The following HDAC8 variants were observed in gnomAD, a reference collection of about 807,000 sequenced individuals.
The protein encoded by HDAC8 is histone deacetylase 8.
A neutral mutation model predicts 32.2 loss-of-function variants in HDAC8; 1 was observed. The ratio of observed to expected loss-of-function variants is 0.03; its 90% CI spans 0.01 to 0.15. The LOEUF (loss-of-function observed/expected upper bound fraction) is 0.15, where lower values mean the gene tolerates loss of function less well. Ranked by LOEUF, HDAC8 falls within the 10% of genes least tolerant of loss-of-function variation. The probability of loss-of-function intolerance (pLI) is 1.00; values close to 1 mark genes in which losing one functional copy is unlikely to be tolerated. For missense variants in HDAC8, 117 were observed against 300.0 expected, an observed-to-expected ratio of 0.39 and a Z score of 4.51; for synonymous variants, 108 against 113.9, an observed-to-expected ratio of 0.95 and a Z score of 0.33.
intron 7 of HDAC8, chrX:72,474,323 C>T: frequency 1.3e-6 from 1 of 749,873 alleles, no homozygotes; most frequent in Non-Finnish European, 1.6e-6. Flanking sequence ...TAAAAATTTC[C>T]ACTAACTTCC....
intron 7 of HDAC8, among the ~76,000 whole-genome samples, chrX:72,484,162 TTC>T: frequency 8.9e-6 from 1 of 112,529 alleles, no homozygotes; most frequent in South Asian, 3.7e-4. Flanking sequence ...AAGAAAAGGT[TTC>T]TTTCAATTTT....
chrX:72,361,506 TC>T (rs2044548197), intron 9 of HDAC8, among the ~76,000 whole-genome samples: 1 of 111,205 alleles, frequency 9.0e-6, no homozygotes, highest in African/African-American at 3.3e-5. Context: ...AAGAATATGC[TC>T]AATATTAACA....
intron 7 of HDAC8, among the ~76,000 whole-genome samples, chrX:72,481,543 C>T (rs2048505060): frequency 9.0e-6 from 1 of 110,737 alleles, no homozygotes; most frequent in Admixed American, 9.6e-5. Context: ...TGCCACATCA[C>T]CAGGCCTAAA....
chrX:72,454,080 G>A (rs576649495), intron 9 of HDAC8, among the ~76,000 whole-genome samples: 1 of 83,731 alleles, frequency 1.2e-5, no homozygotes, highest in African/African-American at 4.5e-5. Context: ...GTGCCAGATG[G>A]AAACCTGGAT....
At position 72,482,250 on chromosome X, in the gene HDAC8, C is replaced by A. The variant is rs143789795; in HGVS notation, c.737+6683G>T. ...GTTAAAAATTTTTAGCTATACTCAT[C>A]TAAAACAACCACATGAAAAAGATGT... On this transcript the variant is annotated intron_variant, in intron 7 of 10. Coordinates refer to ENST00000373573, the MANE Select transcript of HDAC8 (RefSeq NM_018486.3). Among the ~76,000 whole-genome samples, 197 of 111,562 alleles carry A rather than the reference C, an allele frequency of 1.8e-3. 1 individual carries two copies. Among genetic ancestry groups the A allele is most frequent in the Middle Eastern group, 0.014 (3 of 214 alleles).
At chrX:72,384,182 C>G (rs1555960728) in intron 9 of HDAC8, among the ~76,000 whole-genome samples, 3 of 111,704 alleles carry the variant, frequency 2.7e-5, no homozygotes, top group African/African-American at 9.8e-5. Flanking sequence ...ACACAGCAGC[C>G]TAAGTAAATT....
At chrX:72,385,003 A>G (rs1488994536) in intron 9 of HDAC8, among the ~76,000 whole-genome samples, 2 of 111,838 alleles carry the variant, frequency 1.8e-5, no homozygotes, top group South Asian at 3.7e-4. Context: ...TTACAAAGCT[A>G]TTTCTTAGGA....
chrX:72,503,974 C>T (rs1238812938), intron 4 of HDAC8, among the ~76,000 whole-genome samples: 1 of 111,925 alleles, frequency 8.9e-6, no homozygotes, highest in African/African-American at 3.2e-5. Context: ...ACAGTTCTCC[C>T]ACATTTATAG....
At chrX:72,357,404 G>A (rs1555951117) in intron 9 of HDAC8, among the ~76,000 whole-genome samples, 1 of 110,214 alleles carries the variant, frequency 9.1e-6, no homozygotes, top group Non-Finnish European at 1.9e-5. Context: ...CATGGTTGCT[G>A]GGGGTGGGGG....
intron 4 of HDAC8, among the ~76,000 whole-genome samples, chrX:72,527,772 C>CT (rs1157041190): frequency 5.5e-3 from 494 of 89,468 alleles, no homozygotes; most frequent in Middle Eastern, 0.011. Context: ...TTTCTGACCT[C>CT]TTTTTTTTTT....
intron 9 of HDAC8, among the ~76,000 whole-genome samples, chrX:72,410,712 T>C (rs1555969956): frequency 8.9e-6 from 1 of 111,901 alleles, no homozygotes; most frequent in East Asian, 2.8e-4. Context: ...GCCACATCTG[T>C]TCCTATCTGG....
intron 9 of HDAC8, among the ~76,000 whole-genome samples, chrX:72,438,783 C>A (rs1167949866): frequency 9.0e-6 from 1 of 111,212 alleles, no homozygotes; most frequent in Admixed American, 9.6e-5. Context: ...GAAAAGGAAT[C>A]AACAAAGCCT....
At chrX:72,384,417 T>G (rs2147831674) in intron 9 of HDAC8, among the ~76,000 whole-genome samples, 1 of 111,842 alleles carries the variant, frequency 8.9e-6, no homozygotes, top group African/African-American at 3.2e-5. Context: ...GCATCCACTC[T>G]ACTCAGGCTG....
At chrX:72,429,188 C>T (rs2046743312) in intron 9 of HDAC8, among the ~76,000 whole-genome samples, 2 of 110,718 alleles carry the variant, frequency 1.8e-5, no homozygotes, top group South Asian at 7.9e-4. Context: ...TACTCTTTCT[C>T]CCTTGGAGTA....
At chrX:72,468,079 A>T (rs1312379869) in intron 7 of HDAC8, 4 of 1,108,747 alleles carry the variant, frequency 3.6e-6, no homozygotes, top group Non-Finnish European at 4.8e-6. Context: ...CATAGTGCAA[A>T]CTTCAAAGCA....
intron 9 of HDAC8, among the ~76,000 whole-genome samples, chrX:72,414,674 T>C (rs2046287668): frequency 8.9e-6 from 1 of 111,921 alleles, no homozygotes; most frequent in Non-Finnish European, 1.9e-5. Context: ...TTACTGTTTG[T>C]CCAACACCTC....
intron 9 of HDAC8, among the ~76,000 whole-genome samples, chrX:72,374,794 TTTTC>T (rs1257544594): frequency 9.9e-5 from 11 of 110,870 alleles, no homozygotes; most frequent in Non-Finnish European, 1.9e-4. Context: ...TTTCTTTTTC[TTTTC>T]TTTCTTTCTT....
rs781833060 is a variant in HDAC8 at position 72,438,190 on chromosome X, C to T, written c.1005+23814G>A. ...TGTTTTGCAGCCTCCGCTGGTGATA[C>T]CCAGGCAAACAGCGTCTGGAGTGGA... On this transcript the variant is annotated intron_variant, in intron 9 of 10. Coordinates refer to ENST00000373573, the MANE Select transcript of HDAC8 (RefSeq NM_018486.3). Among the ~76,000 whole-genome samples, 50 of 112,136 alleles carry T rather than the reference C, an allele frequency of 4.5e-4. 1 individual carries two copies. In the South Asian group the frequency reaches 0.017, roughly 38 times the overall value.
intron 6 of HDAC8, 125 bp downstream of exon 6, chrX:72,490,804 A>T (rs1219290310): frequency 2.0e-6 from 1 of 492,234 alleles, no homozygotes; most frequent in African/African-American, 2.4e-5. Context: ...ATGCAAAAAA[A>T]AAAATTTTGC....
Sources: allele counts gnomAD v4.1 joint callset (sites outside exome capture counted in the v4.1 genomes callset), GRCh38; gene constraint gnomAD v4.1.1; transcripts MANE v1.5; gene names NCBI Gene and HGNC (gene_info 2026-07-23, HGNC 2026-07-21).